RGS13: variants seen among roughly 807,000 people sequenced by gnomAD.
RGS13 encodes regulator of G-protein signalling 13.
A neutral mutation model predicts 19.9 loss-of-function variants in RGS13; 14 were observed. The ratio of observed to expected loss-of-function variants is 0.70; its 90% CI spans 0.46 to 1.10. RGS13 has a LOEUF of 1.10. Among genes scored for constraint, RGS13 ranks in the 50% least tolerant of loss-of-function variants. The pLI is 0.00. For missense variants in RGS13, 205 were observed against 187.1 expected, an observed-to-expected ratio of 1.10 and a Z score of -0.56; for synonymous variants, 60 against 56.8, an observed-to-expected ratio of 1.06 and a Z score of -0.25.
At chr1:192,639,789 A>T (rs1663075145) in intron 3 of RGS13, among the ~76,000 whole-genome samples, 1 of 152,172 alleles carries the variant, frequency 6.6e-6, no homozygotes, top group African/African-American at 2.4e-5. Flanking sequence ...TTCAGGCCCC[A>T]GAACTATTTG....
intron 4 of RGS13, chr1:192,645,370 T>C (rs79337158): frequency 3.9e-5 from 6 of 152,178 alleles, no homozygotes; most frequent in Non-Finnish European, 7.3e-5. Flanking sequence ...CAGATAACAG[T>C]TATTTAATAG....
intron 5 of RGS13, among the ~76,000 whole-genome samples, chr1:192,655,759 A>G (rs1471588686): frequency 6.6e-6 from 1 of 152,114 alleles, no homozygotes; most frequent in Admixed American, 6.6e-5. Context: ...TGCAGTATAT[A>G]TAGAATACCA....
intron 5 of RGS13, among the ~76,000 whole-genome samples, chr1:192,656,345 GTTT>G (rs10544389): frequency 0.028 from 3,885 of 141,182 alleles, 68 homozygotes; most frequent in Admixed American, 0.04. Flanking sequence ...TTAACATTCT[GTTT>G]TTTTTTTTTT....
intron 3 of RGS13, among the ~76,000 whole-genome samples, chr1:192,641,226 A>G (rs796598710): frequency 1.2e-4 from 4 of 34,774 alleles, no homozygotes; most frequent in South Asian, 8.6e-4. Context: ...GAAAGAGAGA[A>G]AGAAAGAAAG....
At chr1:192,657,780 C>A (rs1331761696) in intron 5 of RGS13, among the ~76,000 whole-genome samples, 2 of 152,078 alleles carry the variant, frequency 1.3e-5, no homozygotes, top group East Asian at 3.9e-4. Flanking sequence ...TGACCTTGAC[C>A]TACAAGTTTA....
chr1:192,645,316 G>A (rs1440096714), intron 4 of RGS13: 3 of 152,112 alleles, frequency 2.0e-5, no homozygotes, highest in Admixed American at 6.6e-5. Context: ...CATGAGAAAA[G>A]GGGAAGACCA....
In RGS13 at chr1:192,644,330, G is replaced by GA; in HGVS notation, c.1dup. ...TACAAATATATACTGTATTTCCTTA[G>GA]AAAAATGAGCAGGCGGAATTGTTGG... On this transcript the variant is annotated splice_region_variant and 5_prime_UTR_variant. Transcript: ENST00000391995. The GA allele has an allele frequency of 6.2e-7, 1 of 1,605,484 alleles. No individual in the cohort carries two copies. The highest frequency in any genetic ancestry group is 2.2e-5 in the East Asian group (1 of 44,678).
chr1:192,642,489 T>A (rs12046733), intron 3 of RGS13, among the ~76,000 whole-genome samples: 54,708 of 150,688 alleles, frequency 0.36, 12,048 homozygotes, highest in East Asian at 0.6. Flanking sequence ...GCCCAGCTAA[T>A]TTTTTTTTTC....
At chr1:192,652,034 A>T (rs1663349779) in intron 5 of RGS13, among the ~76,000 whole-genome samples, 1 of 152,074 alleles carries the variant, frequency 6.6e-6, no homozygotes, top group African/African-American at 2.4e-5. Context: ...CAGAGCAGAT[A>T]TTAAGCCATT....
chr1:192,655,194 C>T (rs1463462459), intron 5 of RGS13, among the ~76,000 whole-genome samples: 4 of 152,088 alleles, frequency 2.6e-5, no homozygotes, highest in Admixed American at 2.6e-4. Flanking sequence ...TAACTTGCAG[C>T]ATATTCAGAC....
intron 4 of RGS13, chr1:192,646,430 A>G (rs1002546336): frequency 1.3e-5 from 2 of 152,180 alleles, no homozygotes; most frequent in Non-Finnish European, 2.9e-5. Context: ...TGAAAGCAGA[A>G]CAATTAAGAA....
chr1:192,658,594 A>G, intron 6 of RGS13: 1 of 397,008 alleles, frequency 2.5e-6, no homozygotes, highest in Non-Finnish European at 4.5e-6. Context: ...AATTAAATCT[A>G]TCTGGCTCCA....
At chr1:192,653,239 A>G (rs1001595987) in intron 5 of RGS13, among the ~76,000 whole-genome samples, 3 of 152,116 alleles carry the variant, frequency 2.0e-5, no homozygotes, top group African/African-American at 7.2e-5. Flanking sequence ...ACGGGAAAAA[A>G]AGAAATGGTC....
intron 3 of RGS13, among the ~76,000 whole-genome samples, chr1:192,639,648 A>T (rs1663072118): frequency 6.6e-6 from 1 of 152,178 alleles, no homozygotes; most frequent in South Asian, 2.1e-4. Context: ...CTTAGGAACT[A>T]TTTCATTTTT....
At chr1:192,646,606 G>A (rs976750029) in intron 4 of RGS13, 1 of 152,068 alleles carries the variant, frequency 6.6e-6, no homozygotes, top group African/African-American at 2.4e-5. Context: ...TAGGTAGTAA[G>A]CCCAGCATCC....
chr1:192,652,936 G>T (rs1031772080), intron 5 of RGS13, among the ~76,000 whole-genome samples: 2 of 151,974 alleles, frequency 1.3e-5, no homozygotes, highest in Non-Finnish European at 2.9e-5. Context: ...TATCACTTGG[G>T]CAATGGGAAA....
At position 192,659,928 on chromosome 1, in the gene RGS13, T is replaced by TA. The variant is rs1254319592; in HGVS notation, c.*408dup. 1 of 156,554 alleles carries TA rather than the reference T, an allele frequency of 6.4e-6. No homozygotes were observed. Among genetic ancestry groups the TA allele is most frequent in the Non-Finnish European group, 1.4e-5 (1 of 71,326 alleles). The allele number at this position is 156,554 out of a possible 1,614,324, so 9.7% of individuals were successfully genotyped here. A position where few individuals can be genotyped will look rare whatever the true frequency, so the allele number is the denominator to read the frequency against. On this transcript the variant is annotated 3_prime_UTR_variant, in exon 7 of 7. Coordinates refer to ENST00000391995, the MANE Select transcript of RGS13 (RefSeq NM_002927.5). Reference sequence around the variant, plus strand: ...AGCATGAATGTTCTATAGAGTACTCTAAATAACTTGAATTTATAGACAAAT... The same window carrying TA: ...AGCATGAATGTTCTATAGAGTACTCTAAAATAACTTGAATTTATAGACAAAT...
intron 5 of RGS13, among the ~76,000 whole-genome samples, chr1:192,648,302 C>T (rs1246352296): frequency 1.3e-5 from 2 of 152,154 alleles, no homozygotes; most frequent in African/African-American, 4.8e-5. Flanking sequence ...AAACACTTAA[C>T]TCGCTGTTCT....
At chr1:192,638,785 CTAAA>C (rs1437021293) in intron 3 of RGS13, among the ~76,000 whole-genome samples, 12 of 152,050 alleles carry the variant, frequency 7.9e-5, no homozygotes, top group Non-Finnish European at 1.8e-4. Flanking sequence ...AATTCTGTCA[CTAAA>C]TATTTTCTGC....
Sources: allele counts gnomAD v4.1 joint callset (sites outside exome capture counted in the v4.1 genomes callset), GRCh38; gene constraint gnomAD v4.1.1; transcripts MANE v1.5; gene names NCBI Gene and HGNC (gene_info 2026-07-23, HGNC 2026-07-21).